Variants in PHKB observed in about 807,000 individuals in gnomAD.
PHKB encodes phosphorylase kinase regulatory subunit beta.
A neutral mutation model predicts 152.1 loss-of-function variants in PHKB; 122 were observed. The observed-to-expected ratio is 0.80, with a 90% CI of 0.69 to 0.93. The LOEUF (loss-of-function observed/expected upper bound fraction) is 0.93. Ranked by LOEUF, PHKB falls within the 40% of genes least tolerant of loss-of-function variation. The pLI is 0.00. For missense variants in PHKB, 1,304 were observed against 1,328.4 expected, an observed-to-expected ratio of 0.98 and a Z score of 0.29; for synonymous variants, 436 against 464.9, an observed-to-expected ratio of 0.94 and a Z score of 0.80.
chr16:47,499,915 C>G, intron 3 of PHKB, 21 bp downstream of exon 3: 1 of 1,613,942 alleles, frequency 6.2e-7, no homozygotes, highest in Non-Finnish European at 8.5e-7. Context: ...GTGTGTTCTC[C>G]TCGTAACTTT....
chr16:47,508,232 T>G (rs1970453214), intron 4 of PHKB, among the ~76,000 whole-genome samples: 1 of 152,234 alleles, frequency 6.6e-6, no homozygotes, highest in South Asian at 2.1e-4. Context: ...GGTTTTATTG[T>G]CTTGACACTT....
intron 26 of PHKB, among the ~76,000 whole-genome samples, chr16:47,679,979 G>T (rs1973817147): frequency 6.6e-6 from 1 of 152,200 alleles, no homozygotes; most frequent in South Asian, 2.1e-4. Flanking sequence ...TTAGCATGAA[G>T]TGTTGTTGAA....
intron 14 of PHKB, among the ~76,000 whole-genome samples, chr16:47,623,557 A>AT (rs35402802): frequency 0.054 from 4,685 of 86,238 alleles, 155 homozygotes; most frequent in African/African-American, 0.094. Flanking sequence ...GACAGTTTTG[A>AT]TTTTTTTTTT....
At chr16:47,537,491 G>A (rs761328642) in intron 6 of PHKB, among the ~76,000 whole-genome samples, 8 of 152,164 alleles carry the variant, frequency 5.3e-5, no homozygotes, top group Non-Finnish European at 7.3e-5. Context: ...TTGTTTGTTC[G>A]TTTTTCTTCA....
rs1365256572 is a variant in PHKB at position 47,700,471 on chromosome 16, T to C, written c.*1105T>C. Reference sequence around the variant, plus strand: ...TTTTATTTCTGAATTAATGAACATATCTGGACATTTTTTGTTCCTAGGTTC... The same window carrying C: ...TTTTATTTCTGAATTAATGAACATACCTGGACATTTTTTGTTCCTAGGTTC... On this transcript the variant is annotated 3_prime_UTR_variant, in exon 31 of 31. Transcript: ENST00000323584. 2 of 152,012 alleles carry C rather than the reference T, an allele frequency of 1.3e-5. No homozygotes were observed. Among genetic ancestry groups the C allele is most frequent in the East Asian group, 3.9e-4 (2 of 5,190 alleles). The allele number at this position is 152,012 out of a possible 1,614,324, so 9.4% of individuals were successfully genotyped here.
chr16:47,664,460 C>T (rs1243560639), intron 24 of PHKB: 2 of 176,228 alleles, frequency 1.1e-5, no homozygotes, highest in African/African-American at 2.4e-5. Context: ...TCATAAGAAA[C>T]TCCCTTAACC....
chr16:47,580,938 C>CTA (rs1456106088), intron 8 of PHKB, among the ~76,000 whole-genome samples: 19 of 151,996 alleles, frequency 1.3e-4, no homozygotes, highest in Non-Finnish European at 8.8e-5. Flanking sequence ...AGAATCTAAT[C>CTA]AAGTGACCAT....
At chr16:47,596,158 T>G (rs1442335925) in intron 12 of PHKB, among the ~76,000 whole-genome samples, 1 of 152,110 alleles carries the variant, frequency 6.6e-6, no homozygotes, top group African/African-American at 2.4e-5. Context: ...TGTAAATGCA[T>G]AAGCCCTCTT....
chr16:47,495,772 TG>T (rs1970221614), intron 1 of PHKB, among the ~76,000 whole-genome samples: 1 of 152,116 alleles, frequency 6.6e-6, no homozygotes, highest in Non-Finnish European at 1.5e-5. Context: ...TGGAGGGGGC[TG>T]GGTCCTTTCC....
chr16:47,623,625 C>T (rs1054858680), intron 14 of PHKB, among the ~76,000 whole-genome samples: 1 of 144,982 alleles, frequency 6.9e-6, no homozygotes, highest in Non-Finnish European at 1.5e-5. Context: ...AGTGCAATGG[C>T]TCACTGGAAT....
Position 47,684,787 on chromosome 16 carries a change from A to AC in PHKB, c.2631-4254_2631-4253insC, listed in dbSNP as rs1473325908. 3.9e-5 allele frequency among the ~76,000 whole-genome samples: 6 copies of AC among 152,288 alleles called. No homozygotes were observed. In the East Asian group the frequency reaches 1.2e-3, roughly 29 times the overall value. ...AAGACTCCGTCTCAAAAAAAAAAAA[A>AC]AGAGTGTTTTTAAAAGGATAAGCTT... On this transcript the variant is annotated intron_variant, in intron 26 of 30. Transcript: ENST00000323584.
chr16:47,527,434 A>T (rs1277147298), intron 6 of PHKB, among the ~76,000 whole-genome samples: 1 of 152,208 alleles, frequency 6.6e-6, no homozygotes, highest in African/African-American at 2.4e-5. Context: ...CTCTTAAAAA[A>T]TTTACCAAGC....
chr16:47,646,087 T>G, intron 16 of PHKB, among the ~76,000 whole-genome samples: 1 of 12,910 alleles, frequency 7.7e-5, no homozygotes, highest in Non-Finnish European at 1.5e-4. Flanking sequence ...ACACGTATGT[T>G]TATTGCGGCA....
At chr16:47,477,435 C>T (rs1238275100) in intron 1 of PHKB, among the ~76,000 whole-genome samples, 1 of 152,004 alleles carries the variant, frequency 6.6e-6, no homozygotes, top group African/African-American at 2.4e-5. Flanking sequence ...ATGAACTTTC[C>T]AGCACTATGT....
At chr16:47,617,316 A>G (rs1420559585) in intron 14 of PHKB, among the ~76,000 whole-genome samples, 3 of 150,730 alleles carry the variant, frequency 2.0e-5, no homozygotes, top group Non-Finnish European at 4.4e-5. Flanking sequence ...TCAGTCATTC[A>G]TAAGTGTACA....
At chr16:47,622,934 A>G (rs1398488919) in intron 14 of PHKB, among the ~76,000 whole-genome samples, 5 of 152,200 alleles carry the variant, frequency 3.3e-5, no homozygotes, top group Admixed American at 6.5e-5. Context: ...TTTTGCATGA[A>G]TTACTTTCTT....
rs755000456 is a variant in PHKB, at chr16:47,689,108, T to A, written c.2698T>A (p.Tyr900Asn). ...CGGAGACAAGCCAGCCTTGGACTTG[T>A]ATCAGCTGTCACCTAGTGAAGTTAA... ...RGGDKPALDLYQLSPSEVKQL... is the reference protein window; with the variant it reads ...RGGDKPALDLNQLSPSEVKQL... Residue 900 changes from tyrosine to asparagine, a missense_variant, in exon 27 of 31, where the codon TAT (tyrosine) becomes AAT (asparagine). By Grantham distance (143) the Tyr-to-Asn change is moderately radical. Transcript: ENST00000323584. 1 of 1,614,098 alleles carries A rather than the reference T, an allele frequency of 6.2e-7. No homozygotes were observed. Among genetic ancestry groups the A allele is most frequent in the Non-Finnish European group, 8.5e-7 (1 of 1,179,944 alleles).
At chr16:47,538,422 T>C (rs796457348) in intron 6 of PHKB, among the ~76,000 whole-genome samples, 45 of 152,330 alleles carry the variant, frequency 3.0e-4, no homozygotes, top group African/African-American at 1.1e-3. Context: ...TGGGATGTAC[T>C]GTTCTACCCT....
intron 7 of PHKB, among the ~76,000 whole-genome samples, chr16:47,556,194 T>C (rs138167226): frequency 1.0e-3 from 159 of 152,336 alleles, no homozygotes; most frequent in African/African-American, 3.2e-3. Flanking sequence ...TTTCTAGATA[T>C]ACAATCATGT....
Sources: gnomAD v4.1 joint callset for allele counts (sites outside exome capture counted in the v4.1 genomes callset) on GRCh38, gnomAD v4.1.1 for gene constraint, MANE v1.5 for transcripts, NCBI Gene and HGNC (gene_info 2026-07-23, HGNC 2026-07-21) for gene names.